The following GSTCD variants were observed in gnomAD, a reference collection of about 807,000 sequenced individuals.
GSTCD encodes the protein glutathione S-transferase C-terminal domain containing.
In GSTCD, 44 loss-of-function variants were observed where a neutral mutation model predicts 68.3. The ratio of observed to expected loss-of-function variants is 0.64; its 90% confidence interval spans 0.51 to 0.83. The LOEUF is 0.83. GSTCD is among the 40% of genes least tolerant of loss of function. The pLI is 0.00. For synonymous variants in GSTCD, 273 were observed against 255.2 expected (o/e 1.07, Z -0.67); for missense variants, 739 against 735.9 (o/e 1.00, Z -0.05).
Position 105,734,199 on chromosome 4 carries a change from C to T in GSTCD, c.1240+4700C>T, listed in dbSNP as rs1354563999. On this transcript the variant is annotated intron_variant, in intron 5 of 11. Transcript: ENST00000515279. ...CTCTTCTCGAGGAACATCTTTGTGG[C>T]ATTCTCCGTATTTCCTGAATTTGAA... 5.3e-5 allele frequency among the ~76,000 whole-genome samples: 8 copies of T among 152,228 alleles called. No individual in the cohort carries two copies. The South Asian group carries it at 1.7e-3, about 32-fold the overall frequency.
At chr4:105,775,008 T>C (rs1209652440) in intron 5 of GSTCD, among the ~76,000 whole-genome samples, 1 of 152,054 alleles carries the variant, frequency 6.6e-6, no homozygotes, top group Admixed American at 6.6e-5. Flanking sequence ...AACTTAGGTT[T>C]CGTCTTTTTA....
intron 5 of GSTCD, among the ~76,000 whole-genome samples, chr4:105,749,073 T>C (rs1161941823): frequency 6.6e-6 from 1 of 151,994 alleles, no homozygotes; most frequent in Non-Finnish European, 1.5e-5. Context: ...ATATAATCTT[T>C]ATTGGTGAGG....
At chr4:105,793,364 TAAG>T (rs1340252128) in intron 5 of GSTCD, among the ~76,000 whole-genome samples, 1 of 151,864 alleles carries the variant, frequency 6.6e-6, no homozygotes, top group South Asian at 2.1e-4. Flanking sequence ...AGCTTACAAA[TAAG>T]AAATTATTGC....
chr4:105,801,778 T>C (rs1736114758), intron 5 of GSTCD, among the ~76,000 whole-genome samples: 1 of 151,976 alleles, frequency 6.6e-6, no homozygotes, highest in Non-Finnish European at 1.5e-5. Context: ...TTTAGAAAAA[T>C]TATCTGCACC....
intron 5 of GSTCD, among the ~76,000 whole-genome samples, chr4:105,815,721 A>T (rs1296013360): frequency 6.6e-6 from 1 of 152,142 alleles, no homozygotes; most frequent in Non-Finnish European, 1.5e-5. Context: ...AAGTTAACAA[A>T]ACTATTAAGA....
intron 5 of GSTCD, among the ~76,000 whole-genome samples, chr4:105,738,571 A>G (rs1211379741): frequency 6.6e-6 from 1 of 151,970 alleles, no homozygotes; most frequent in Non-Finnish European, 1.5e-5. Context: ...TCAGTGTTTT[A>G]TAGTTTTTCT....
chr4:105,802,124 TA>T (rs1736127279), intron 5 of GSTCD, among the ~76,000 whole-genome samples: 1 of 152,130 alleles, frequency 6.6e-6, no homozygotes. Flanking sequence ...GATAGTACAG[TA>T]TATAAAAACT....
rs776670505 is a variant in GSTCD at position 105,726,634 on chromosome 4, C to T, written c.950C>T (p.Ser317Phe). ...EKLVEFPLLA[S>F]WYQRIQEVPG... ...CTGGTAGAATTTCCATTGCTAGCCT[C>T]TTGGTACCAGAGGATTCAGGAAGTG... is the stretch of plus-strand genomic sequence containing the variant. The change falls in exon 4 of 12, where the codon TCT becomes TTT. Residue 317 changes from serine to phenylalanine, a missense_variant. Transcript: ENST00000515279. 1 of 1,612,922 alleles carries T rather than the reference C, an allele frequency of 6.2e-7. No homozygotes were observed. Among genetic ancestry groups the T allele is most frequent in the South Asian group, 1.1e-5 (1 of 90,964 alleles).
intron 10 of GSTCD, among the ~76,000 whole-genome samples, chr4:105,838,721 A>G (rs1724219140): frequency 6.6e-6 from 1 of 152,260 alleles, no homozygotes; most frequent in Non-Finnish European, 1.5e-5. Flanking sequence ...AACAGTTTCT[A>G]GCTTCCTAAA....
intron 5 of GSTCD, among the ~76,000 whole-genome samples, chr4:105,757,652 ATC>A (rs1293778148): frequency 6.6e-6 from 1 of 152,156 alleles, no homozygotes; most frequent in African/African-American, 2.4e-5. Flanking sequence ...GATATTTTAT[ATC>A]TCTGTATCAA....
At chr4:105,736,450 T>G (rs562236301) in intron 5 of GSTCD, among the ~76,000 whole-genome samples, 1 of 152,058 alleles carries the variant, frequency 6.6e-6, no homozygotes, top group Non-Finnish European at 1.5e-5. Context: ...ATGTTTAAAT[T>G]TAATTATATT....
intron 5 of GSTCD, among the ~76,000 whole-genome samples, chr4:105,771,217 G>GT (rs973461777): frequency 3.2e-4 from 48 of 148,586 alleles, no homozygotes; most frequent in African/African-American, 5.6e-4. Context: ...TTTTGATGAG[G>GT]TTTTTTTTTT....
At chr4:105,800,452 T>C (rs1578486343) in intron 5 of GSTCD, among the ~76,000 whole-genome samples, 1 of 152,166 alleles carries the variant, frequency 6.6e-6, no homozygotes, top group African/African-American at 2.4e-5. Context: ...ATTTAGGCAG[T>C]TTTGCCTGAT....
intron 5 of GSTCD, among the ~76,000 whole-genome samples, chr4:105,734,128 T>A (rs973166583): frequency 1.3e-5 from 2 of 152,240 alleles, no homozygotes; most frequent in Admixed American, 6.5e-5. Flanking sequence ...CATTTTTTCC[T>A]TCATTTCAAC....
In GSTCD at chr4:105,726,787, CTTTA is replaced by C; in HGVS notation, c.1109_1112del (p.Phe370Ter). The C allele has an allele frequency of 6.2e-7, 1 of 1,613,450 alleles. No individual in the cohort carries two copies. Among genetic ancestry groups the C allele is most frequent in the East Asian group, 2.2e-5 (1 of 44,836 alleles). Reference sequence around the variant, plus strand: ...CCAGGTGTAGAAGAGCAAAGCGATCCTTTATTTATAGGAGGACCAAGACCAACCA... The same window carrying C: ...CCAGGTGTAGAAGAGCAAAGCGATCCTTTATAGGAGGACCAAGACCAACCA... On this transcript the variant is annotated frameshift_variant, in exon 4 of 12. Transcript: ENST00000515279. LOFTEE classifies it high-confidence loss of function.
At chr4:105,759,150 T>C (rs1354248859) in intron 5 of GSTCD, among the ~76,000 whole-genome samples, 1 of 152,144 alleles carries the variant, frequency 6.6e-6, no homozygotes, top group Non-Finnish European at 1.5e-5. Context: ...GCAGTTTCTG[T>C]TAGTTCTTAA....
chr4:105,778,540 G>T (rs1453903081), intron 5 of GSTCD, among the ~76,000 whole-genome samples: 1 of 152,078 alleles, frequency 6.6e-6, no homozygotes, highest in Non-Finnish European at 1.5e-5. Context: ...TAAGTTGTCA[G>T]CTGTTAAGGA....
At chr4:105,818,975 C>T (rs1053806507) in intron 5 of GSTCD, among the ~76,000 whole-genome samples, 1 of 151,634 alleles carries the variant, frequency 6.6e-6, no homozygotes, top group Non-Finnish European at 1.5e-5. Context: ...AAAAATGATG[C>T]AGACTAACAT....
rs546865988 is a variant in GSTCD at position 105,829,457 on chromosome 4, T to C, written c.1530+3657T>C. Among the ~76,000 whole-genome samples, 35 of 152,306 alleles carry C rather than the reference T, an allele frequency of 2.3e-4. No individual in the cohort carries two copies. The South Asian group carries it at 7.2e-3, about 32-fold the overall frequency. On this transcript the variant is annotated intron_variant, in intron 8 of 11. Coordinates refer to ENST00000515279, the MANE Select transcript of GSTCD (RefSeq NM_001370181.1). ...TAATTTATAAAGAAAAGAGGTTTAA[T>C]TGATTCACAGTTCCACATGGCTAGG... is the stretch of plus-strand genomic sequence containing the variant.
Sources: gnomAD v4.1 joint callset for allele counts (sites outside exome capture counted in the v4.1 genomes callset) on GRCh38, gnomAD v4.1.1 for gene constraint, MANE v1.5 for transcripts, NCBI Gene and HGNC (gene_info 2026-07-23, HGNC 2026-07-21) for gene names.